The following ELAVL4 variants were observed in gnomAD, a reference collection of about 807,000 sequenced individuals.
ELAVL4 encodes the protein ELAV-like protein 4.
In ELAVL4, 1 loss-of-function variant was observed where a neutral mutation model predicts 35.6. The observed-to-expected ratio is 0.03, with a 90% confidence interval of 0.01 to 0.13. The LOEUF (loss-of-function observed/expected upper bound fraction) is 0.13. ELAVL4 is among the 10% of genes least tolerant of loss of function. ELAVL4 has a pLI of 1.00. For missense variants in ELAVL4, 267 were observed against 464.9 expected (o/e 0.57, Z 3.91); for synonymous variants, 156 against 171.0 (o/e 0.91, Z 0.69).
At chr1:50,171,810 G>C (rs1262772553) in intron 2 of ELAVL4, among the ~76,000 whole-genome samples, 1 of 152,188 alleles carries the variant, frequency 6.6e-6, no homozygotes, top group Non-Finnish European at 1.5e-5. Flanking sequence ...AAGCAAGAAA[G>C]ACCTCTCAGA....
At chr1:50,173,826 T>A (rs1349716383) in intron 2 of ELAVL4, among the ~76,000 whole-genome samples, 1 of 152,078 alleles carries the variant, frequency 6.6e-6, no homozygotes, top group Non-Finnish European at 1.5e-5. Flanking sequence ...AGGGAGAAGA[T>A]GTAGCCATTT....
At chr1:50,149,222 AC>A (rs1361924883) in intron 2 of ELAVL4, among the ~76,000 whole-genome samples, 3 of 151,874 alleles carry the variant, frequency 2.0e-5, no homozygotes, top group African/African-American at 7.3e-5. Context: ...ACATGGTGAA[AC>A]CCCGTCTCTA....
chr1:50,090,211 A>G (rs111982969), intron 1 of ELAVL4, among the ~76,000 whole-genome samples: 1 of 152,212 alleles, frequency 6.6e-6, no homozygotes, highest in Admixed American at 6.5e-5. Context: ...GATTTTATCT[A>G]TCTCAAGTTT....
chr1:50,106,145 G>T, upstream of ELAVL4: 1 of 454,176 alleles, frequency 2.2e-6, no homozygotes, highest in East Asian at 3.2e-5. Context: ...AGTTTCAGCC[G>T]GCTGCTGTTT....
intron 1 of ELAVL4, among the ~76,000 whole-genome samples, chr1:50,062,728 A>G (rs991597214): frequency 1.3e-5 from 2 of 152,214 alleles, no homozygotes; most frequent in South Asian, 2.1e-4. Flanking sequence ...TCTTGAGAGT[A>G]TCTCACCTTA....
chr1:50,134,173 T>C (rs183356378), intron 1 of ELAVL4, among the ~76,000 whole-genome samples: 2 of 152,316 alleles, frequency 1.3e-5, no homozygotes, highest in African/African-American at 4.8e-5. Context: ...ATGATACATA[T>C]GTGGAATAGC....
At position 50,132,637 on chromosome 1, in the gene ELAVL4, T is replaced by C. The variant is rs1165046355; in HGVS notation, c.10-12320T>C. 2.6e-5 allele frequency among the ~76,000 whole-genome samples: 4 copies of C among 152,136 alleles called. No individual in the cohort carries two copies. The East Asian group carries it at 7.7e-4, about 29-fold the overall frequency. On this transcript the variant is annotated intron_variant, in intron 1 of 6. Coordinates refer to ENST00000371824, the MANE Select transcript of ELAVL4 (RefSeq NM_001144774.3). ...TTTCTAGAAATGTGATTTTTATTCA[T>C]TTGGGCTCCCATGAGTACTCTAATG...
Position 50,190,889 on chromosome 1 carries a change from C to G in ELAVL4, c.355-2876C>G, listed in dbSNP as rs537141963. ...TTCATCACCTCATTTGTCCTCGTGA[C>G]AGAGGAAGGCTATTATCAGGCCACC... On this transcript the variant is annotated intron_variant, in intron 3 of 6. Coordinates refer to ENST00000371824, the MANE Select transcript of ELAVL4 (RefSeq NM_001144774.3). Among the ~76,000 whole-genome samples, 5 of 152,322 alleles carry G rather than the reference C, an allele frequency of 3.3e-5. No homozygotes were observed. The South Asian group carries it at 1.0e-3, about 32-fold the overall frequency.
chr1:50,179,095 G>C (rs973701678), intron 3 of ELAVL4, among the ~76,000 whole-genome samples: 3 of 152,004 alleles, frequency 2.0e-5, no homozygotes, highest in Non-Finnish European at 2.9e-5. Context: ...GGATCTTAGA[G>C]ACAAGGATCA....
At position 50,193,869 on chromosome 1, in the gene ELAVL4, G is replaced by C; in HGVS notation, c.459G>C (p.Ser153=). The change falls in exon 4 of 7, where the codon TCG becomes TCC. Residue 153 remains serine (S), a synonymous_variant. Transcript: ENST00000371824. ...MTQKELEQLF[S]QYGRIITSRI... is the part of the protein sequence containing the mutation. ...AGAAGGAACTGGAGCAACTTTTCTCGCAATACGGCCGTATCATCACCTCAC... is the reference window on the plus strand; with the variant it reads ...AGAAGGAACTGGAGCAACTTTTCTCCCAATACGGCCGTATCATCACCTCAC... 2 of 1,613,994 alleles carry C rather than the reference G, an allele frequency of 1.2e-6. No homozygotes were observed. The highest frequency in any genetic ancestry group is 1.7e-6 in the Non-Finnish European group (2 of 1,179,966).
intron 5 of ELAVL4, among the ~76,000 whole-genome samples, chr1:50,196,302 G>A (rs1352468673): frequency 6.6e-6 from 1 of 152,148 alleles, no homozygotes; most frequent in Non-Finnish European, 1.5e-5. Context: ...TGGGAAGATA[G>A]GGAGGAAGAT....
At chr1:50,123,636 A>G (rs937917139) in intron 1 of ELAVL4, among the ~76,000 whole-genome samples, 1 of 152,068 alleles carries the variant, frequency 6.6e-6, no homozygotes, top group African/African-American at 2.4e-5. Context: ...AGGTAGCTTC[A>G]CAAAACCCAG....
chr1:50,104,087 CA>C, upstream of ELAVL4: 17 of 1,453,460 alleles, frequency 1.2e-5, no homozygotes, highest in Non-Finnish European at 1.6e-5. Context: ...CTTAGGGTAA[CA>C]AGACTATGGG....
Position 50,195,735 on chromosome 1 carries a change from C to T in ELAVL4, c.683C>T (p.Ser228Phe). 2 of 1,614,124 alleles carry T rather than the reference C, an allele frequency of 1.2e-6. No homozygotes were observed. The highest frequency in any genetic ancestry group is 1.7e-6 in the Non-Finnish European group (2 of 1,179,986). The change falls in exon 5 of 7, where the codon TCC (serine) becomes TTC (phenylalanine). Residue 228 changes from serine (S) to phenylalanine (F), a missense_variant. Physicochemically the swap from Ser to Phe is radical, Grantham distance 155. This residue lies in a region of ELAVL4 where 216 missense variants were observed against 409.5 expected (regional missense o/e 0.53). Coordinates refer to ENST00000371824, the MANE Select transcript of ELAVL4 (RefSeq NM_001144774.3). ...SQALLSQLYQ[S>F]PNRRYPGPLH... is the part of the protein sequence containing the mutation. The stretch of plus-strand genomic sequence containing the variant: ...GCCCTGCTCTCCCAGCTCTACCAGT[C>T]CCCCAACCGGCGCTACCCAGGTCCA...
intron 3 of ELAVL4, chr1:50,180,066 G>A (rs937219432): frequency 1.3e-5 from 2 of 151,924 alleles, no homozygotes; most frequent in African/African-American, 4.8e-5. Flanking sequence ...GAATTATGTA[G>A]GTGGGCCAAA....
At chr1:50,106,497 T>C, upstream of ELAVL4, 1 of 844,874 alleles carries the variant, frequency 1.2e-6, no homozygotes. Flanking sequence ...TGGTGGTGGA[T>C]TGTGGCAGAA....
chr1:50,134,320 G>A (rs17105945), intron 1 of ELAVL4, among the ~76,000 whole-genome samples: 4,929 of 152,220 alleles, frequency 0.032, 257 homozygotes, highest in African/African-American at 0.11. Flanking sequence ...GGAAAGATAA[G>A]TCTGGCTTAA....
intron 1 of ELAVL4, among the ~76,000 whole-genome samples, chr1:50,078,951 T>A (rs769147643): frequency 1.3e-5 from 2 of 152,192 alleles, no homozygotes; most frequent in Non-Finnish European, 2.9e-5. Flanking sequence ...CCTACCTGTT[T>A]GAGTTTCCAT....
intron 2 of ELAVL4, among the ~76,000 whole-genome samples, chr1:50,174,085 T>C (rs58148526): frequency 0.011 from 1,628 of 152,264 alleles, 27 homozygotes; most frequent in African/African-American, 0.038. Context: ...AAACATAAAA[T>C]TTTTCCTCAT....
Sources: allele counts gnomAD v4.1 joint callset (sites outside exome capture counted in the v4.1 genomes callset), GRCh38; gene constraint gnomAD v4.1.1; regional missense constraint gnomAD v4.1.1; transcripts MANE v1.5; gene names NCBI Gene and HGNC (gene_info 2026-07-23, HGNC 2026-07-21).